ZNF341: variants seen among roughly 807,000 people sequenced by gnomAD.
ZNF341 encodes the protein zinc finger protein 341.
A neutral mutation model predicts 87.7 loss-of-function variants in ZNF341; 52 were observed. The observed-to-expected ratio is 0.59, with a 90% CI of 0.47 to 0.75. ZNF341 has a LOEUF of 0.75. Ranked by LOEUF, ZNF341 falls within the 30% of genes least tolerant of loss-of-function variation. ZNF341 has a pLI of 0.00. For synonymous variants in ZNF341, 459 were observed against 472.7 expected, an observed-to-expected ratio of 0.97 and a Z score of 0.38; for missense variants, 977 against 1,145.9, an observed-to-expected ratio of 0.85 and a Z score of 2.13.
chr20:33,791,005 T>A lies in ZNF341; in HGVS notation c.2053T>A (p.Cys685Ser), dbSNP rs768170928. ...LSHSGMKLHK[C>S]ALCSKSFSRR... The stretch of plus-strand genomic sequence containing the variant: ...CCCTCCAGGCATGAAGCTCCACAAA[T>A]GCGCCCTGTGCAGCAAGTCCTTCAG... Residue 685 changes from cysteine to serine, a missense_variant, in exon 15 of 15, where the codon TGC becomes AGC. By Grantham distance (112) the Cys-to-Ser change is moderately radical. Transcript: ENST00000375200. 6.2e-7 allele frequency: 1 copy of A among 1,612,476 alleles called. No homozygotes were observed. The highest frequency in any genetic ancestry group is 8.5e-7 in the Non-Finnish European group (1 of 1,179,520).
At chr20:33,771,046 C>T (rs879880707) in intron 10 of ZNF341, among the ~76,000 whole-genome samples, 7 of 151,958 alleles carry the variant, frequency 4.6e-5, no homozygotes, top group Non-Finnish European at 7.4e-5. Flanking sequence ...GACGTGAACC[C>T]GGGAGGCAGA....
intron 10 of ZNF341, among the ~76,000 whole-genome samples, chr20:33,780,789 T>G (rs893515876): frequency 6.6e-6 from 1 of 151,836 alleles, no homozygotes; most frequent in African/African-American, 2.4e-5. Context: ...TAATCATGGC[T>G]CACTGTAACT....
intron 10 of ZNF341, among the ~76,000 whole-genome samples, chr20:33,778,020 T>C (rs2019663380): frequency 2.0e-5 from 3 of 152,224 alleles, no homozygotes; most frequent in Admixed American, 2.0e-4. Context: ...GTGTGTCATA[T>C]CAGGAGGCAT....
chr20:33,765,324 G>A (rs2019381912), intron 8 of ZNF341, among the ~76,000 whole-genome samples: 1 of 151,910 alleles, frequency 6.6e-6, no homozygotes, highest in South Asian at 2.1e-4. Flanking sequence ...CTTCCTGTTG[G>A]AACTAGCCCT....
chr20:33,785,548 GA>G (rs1454712804), intron 12 of ZNF341, among the ~76,000 whole-genome samples: 1 of 152,050 alleles, frequency 6.6e-6, no homozygotes, highest in Non-Finnish European at 1.5e-5. Context: ...TGTTGGCCAA[GA>G]TGGTCTCAAA....
At position 33,767,049 on chromosome 20, in the gene ZNF341, G is replaced by A. The variant is rs1322300888; in HGVS notation, c.1413+8G>A. On this transcript the variant is annotated splice_region_variant and intron_variant, in intron 9 of 14. Transcript: ENST00000375200. ...CAGCATAAGAATGAGCAGGTAGGTGGATGGTGGCAGCAGGGGCCCACACCA... is the reference window on the plus strand; with the variant it reads ...CAGCATAAGAATGAGCAGGTAGGTGAATGGTGGCAGCAGGGGCCCACACCA... 1 of 1,607,986 alleles carries A rather than the reference G, an allele frequency of 6.2e-7. No homozygotes were observed.
chr20:33,748,940 A>C lies in ZNF341; in HGVS notation c.357A>C (p.Thr119=). 1 of 1,613,696 alleles carries C rather than the reference A, an allele frequency of 6.2e-7. No homozygotes were observed. The highest frequency in any genetic ancestry group is 8.5e-7 in the Non-Finnish European group (1 of 1,179,730). The stretch of plus-strand genomic sequence containing the variant: ...CTGTCCAGATCTCCACATACATCAC[A>C]GTGCCCCCGTCCCCACTGATCCAGA... ...PANRQISTYI[T]VPPSPLIQTL... is the part of the protein sequence containing the mutation. Residue 119 remains threonine, a synonymous_variant, in exon 4 of 15, where the codon ACA becomes ACC. Transcript: ENST00000375200.
At chr20:33,746,685 T>C (rs2018932507) in intron 3 of ZNF341, among the ~76,000 whole-genome samples, 1 of 152,146 alleles carries the variant, frequency 6.6e-6, no homozygotes. Flanking sequence ...GTTGAGGGAC[T>C]GTAGTGCAAA....
At chr20:33,781,090 C>T (rs1333744144) in intron 10 of ZNF341, among the ~76,000 whole-genome samples, 4 of 152,064 alleles carry the variant, frequency 2.6e-5, no homozygotes, top group Admixed American at 2.0e-4. Context: ...GGGTGGCCAG[C>T]GAGGAGGCTA....
chr20:33,745,370 C>A (rs1341190678), intron 3 of ZNF341, 71 bp downstream of exon 3: 2 of 1,473,018 alleles, frequency 1.4e-6, no homozygotes, highest in South Asian at 2.5e-5. Context: ...GTGCTGGGCA[C>A]TGGGGCTATA....
chr20:33,744,314 G>A (rs1205480423), intron 2 of ZNF341, among the ~76,000 whole-genome samples: 2 of 151,728 alleles, frequency 1.3e-5, no homozygotes, highest in African/African-American at 4.8e-5. Flanking sequence ...AAAAGAAAAG[G>A]AAAGAAAAAG....
At chr20:33,782,469 A>C (rs1240072838) in intron 11 of ZNF341, among the ~76,000 whole-genome samples, 1 of 152,222 alleles carries the variant, frequency 6.6e-6, no homozygotes, top group East Asian at 1.9e-4. Context: ...CATATGTGGC[A>C]GATTTTCCAG....
At chr20:33,767,062 G>C (rs1249171265) in intron 9 of ZNF341, 21 bp downstream of exon 9, 1 of 1,603,056 alleles carries the variant, frequency 6.2e-7, no homozygotes, top group Non-Finnish European at 8.5e-7. Flanking sequence ...GGTGGCAGCA[G>C]GGGCCCACAC....
In ZNF341 at chr20:33,750,748, C is replaced by G. The variant is rs1601245404; in HGVS notation, c.489+1676C>G. ...CTCCGCATCCTGGGTTCAAGCGATT[C>G]TCCTGTCTCAGCCTCCTGAGTAGCT... On this transcript the variant is annotated intron_variant, in intron 4 of 14. Transcript: ENST00000375200. Among the ~76,000 whole-genome samples, 4 of 152,044 alleles carry G rather than the reference C, an allele frequency of 2.6e-5. No individual in the cohort carries two copies. The East Asian group carries it at 7.7e-4, about 29-fold the overall frequency.
chr20:33,744,826 A>T (rs1036562954), intron 2 of ZNF341, among the ~76,000 whole-genome samples: 3 of 152,132 alleles, frequency 2.0e-5, no homozygotes, highest in African/African-American at 4.8e-5. Context: ...TCCTGACCTC[A>T]GGTGATCCAC....
intron 1 of ZNF341, among the ~76,000 whole-genome samples, chr20:33,733,323 C>G (rs995038918): frequency 6.6e-6 from 1 of 151,780 alleles, no homozygotes; most frequent in Non-Finnish European, 1.5e-5. Flanking sequence ...GGGTTCACGC[C>G]ATTCTTCTGC....
intron 10 of ZNF341, among the ~76,000 whole-genome samples, chr20:33,775,028 CT>C (rs1293136054): frequency 6.6e-6 from 1 of 152,128 alleles, no homozygotes; most frequent in Non-Finnish European, 1.5e-5. Context: ...TAAACAGCTA[CT>C]TTGTATTCCA....
chr20:33,740,962 C>G lies in ZNF341; in HGVS notation c.92C>G (p.Pro31Arg). 2 of 1,614,198 alleles carry G rather than the reference C, an allele frequency of 1.2e-6. No individual in the cohort carries two copies. Among genetic ancestry groups the G allele is most frequent in the Non-Finnish European group, 1.7e-6 (2 of 1,180,046 alleles). Reference sequence around the variant, plus strand: ...TTATTGGATGGCCAAGGAGCAGTCCCTGATCCGACAGGCCAGAGTGTCAAT... The same window carrying G: ...TTATTGGATGGCCAAGGAGCAGTCCGTGATCCGACAGGCCAGAGTGTCAAT... ...QSLLDGQGAV[P>R]DPTGQSVNAP... is the part of the protein sequence containing the mutation. Residue 31 changes from proline to arginine, a missense_variant, in exon 2 of 15, where the codon CCT becomes CGT. Transcript: ENST00000375200.
At chr20:33,780,562 C>T (rs943387929) in intron 10 of ZNF341, among the ~76,000 whole-genome samples, 1 of 152,034 alleles carries the variant, frequency 6.6e-6, no homozygotes, top group Non-Finnish European at 1.5e-5. Flanking sequence ...TCCACGCTAC[C>T]ACGCCTGGCT....
Sources: allele counts gnomAD v4.1 joint callset (sites outside exome capture counted in the v4.1 genomes callset), GRCh38; gene constraint gnomAD v4.1.1; transcripts MANE v1.5; gene names NCBI Gene and HGNC (gene_info 2026-07-23, HGNC 2026-07-21).